The following AKNAD1 variants were observed in gnomAD, a reference collection of about 807,000 sequenced individuals.
AKNAD1 encodes the protein protein AKNAD1.
In AKNAD1, 67 loss-of-function variants were observed where a neutral mutation model predicts 90.8. The observed-to-expected ratio is 0.74, with a 90% CI of 0.61 to 0.90. The LOEUF (loss-of-function observed/expected upper bound fraction) is 0.90. Ranked by LOEUF, AKNAD1 falls within the 40% of genes least tolerant of loss-of-function variation. AKNAD1 has a pLI of 0.00. For missense variants in AKNAD1, 957 were observed against 975.4 expected (o/e 0.98, Z 0.25); for synonymous variants, 327 against 341.4 (o/e 0.96, Z 0.46).
rs1460482415 is a variant in AKNAD1 at position 108,816,971 on chromosome 1, A to C, written c.2379+77T>G. 1.9e-6 allele frequency: 3 copies of C among 1,548,138 alleles called. No individual in the cohort carries two copies. The African/African-American group carries it at 4.1e-5, about 21-fold the overall frequency. ...GAAGCTCTGATACTGTAATAACTTAAGAGCTGCCAGTTCTGTGGGCATCAA... is the reference window on the plus strand; with the variant it reads ...GAAGCTCTGATACTGTAATAACTTACGAGCTGCCAGTTCTGTGGGCATCAA... On this transcript the variant is annotated intron_variant, in intron 15 of 15. Coordinates refer to ENST00000370001, the MANE Select transcript of AKNAD1 (RefSeq NM_152763.5).
Position 108,834,487 on chromosome 1 carries a change from T to C in AKNAD1, c.1706A>G (p.Lys569Arg), listed in dbSNP as rs752608075. 3 of 1,611,134 alleles carry C rather than the reference T, an allele frequency of 1.9e-6. No individual in the cohort carries two copies. The highest frequency in any genetic ancestry group is 2.5e-6 in the Non-Finnish European group (3 of 1,178,970). ...CAGCCTCATGGCCACTTGGTCTGGC[T>C]TGTTCTGGGCAGCTGCATCTCCATA... The part of the protein sequence containing the change: ...GHYGDAAAQN[K>R]PDQVAMRLSS... Residue 569 changes from lysine (K) to arginine (R), a missense_variant, in exon 9 of 16, where the codon AAG (lysine) becomes AGG (arginine). Coordinates refer to ENST00000370001, the MANE Select transcript of AKNAD1 (RefSeq NM_152763.5).
chr1:108,839,471 T>TAAAAAA (rs3044857), intron 6 of AKNAD1, among the ~76,000 whole-genome samples: 2 of 126,148 alleles, frequency 1.6e-5, no homozygotes, highest in Non-Finnish European at 3.2e-5. Context: ...TCCGTCTCAA[T>TAAAAAA]AAAAAAAAAA....
intron 1 of AKNAD1, 133 bp from the exon 2 acceptor site, chr1:108,852,900 G>GATA: frequency 2.9e-6 from 1 of 344,960 alleles, no homozygotes; most frequent in Non-Finnish European, 5.1e-6. Context: ...TCAACCACAA[G>GATA]CTGACCCAAC....
At chr1:108,837,891 C>T (rs1331807488) in intron 6 of AKNAD1, among the ~76,000 whole-genome samples, 185 bp from the exon 7 acceptor site, 1 of 152,226 alleles carries the variant, frequency 6.6e-6, no homozygotes, top group East Asian at 1.9e-4. Context: ...TGATCTTCAC[C>T]TGCTGTCCAT....
chr1:108,825,684 A>T (rs1009586142), intron 11 of AKNAD1, among the ~76,000 whole-genome samples: 3 of 151,714 alleles, frequency 2.0e-5, no homozygotes, highest in African/African-American at 7.2e-5. Flanking sequence ...ACTAATGTAT[A>T]GATTACTAGT....
chr1:108,841,899 G>A (rs1178299190), intron 6 of AKNAD1, among the ~76,000 whole-genome samples: 8 of 152,128 alleles, frequency 5.3e-5, no homozygotes, highest in Non-Finnish European at 1.2e-4. Context: ...TGCAGTTGAA[G>A]CTCTTTTTAT....
intron 15 of AKNAD1, 136 bp downstream of exon 15, chr1:108,816,912 T>C: frequency 9.6e-7 from 1 of 1,038,124 alleles, no homozygotes; most frequent in East Asian, 2.5e-5. Flanking sequence ...AGCTTAGTTC[T>C]GAGCACAAAA....
At position 108,852,358 on chromosome 1, in the gene AKNAD1, C is replaced by A. The variant is rs367694753; in HGVS notation, c.307G>T (p.Asp103Tyr). 1.4e-4 allele frequency: 225 copies of A among 1,613,938 alleles called. No homozygotes were observed. Among genetic ancestry groups the A allele is most frequent in the Non-Finnish European group, 1.9e-4 (219 of 1,180,002 alleles). The change falls in exon 2 of 16, where the codon GAC becomes TAC. Residue 103 changes from aspartate (D) to tyrosine (Y), a missense_variant. Coordinates refer to ENST00000370001, the MANE Select transcript of AKNAD1 (RefSeq NM_152763.5). ...TCAGAAATGCTTGACTTAGAAGCGT[C>A]TCCTTCATTTGCTGGAATATGAAGA... is the stretch of plus-strand genomic sequence containing the variant. ...AALHIPANEG[D>Y]ASKSSISDIL...
intron 2 of AKNAD1, among the ~76,000 whole-genome samples, chr1:108,849,792 G>A (rs184907907): frequency 7.4e-4 from 112 of 152,276 alleles, no homozygotes; most frequent in African/African-American, 2.6e-3. Flanking sequence ...TTCTTTGGCA[G>A]GAAAATGGGG....
chr1:108,828,271 G>C (rs528015402), intron 10 of AKNAD1, among the ~76,000 whole-genome samples: 1 of 151,814 alleles, frequency 6.6e-6, no homozygotes, highest in African/African-American at 2.4e-5. Flanking sequence ...GCACGTGAAG[G>C]TGATTTTAGT....
At chr1:108,820,660 A>G in intron 13 of AKNAD1, 34 bp from the exon 14 acceptor site, 1 of 1,342,510 alleles carries the variant, frequency 7.4e-7, no homozygotes, top group Non-Finnish European at 1.1e-6. Context: ...AATTCAGAGT[A>G]TCAAAAATGA....
At chr1:108,839,327 T>C (rs1397405318) in intron 6 of AKNAD1, among the ~76,000 whole-genome samples, 1 of 151,966 alleles carries the variant, frequency 6.6e-6, no homozygotes, top group Non-Finnish European at 1.5e-5. Flanking sequence ...CTACTAAAAA[T>C]ACAGAAAACT....
At position 108,830,668 on chromosome 1, in the gene AKNAD1, C is replaced by T. The variant is rs1338027282; in HGVS notation, c.1747-18G>A. The T allele has an allele frequency of 6.2e-7, 1 of 1,613,356 alleles. No individual in the cohort carries two copies. Among genetic ancestry groups the T allele is most frequent in the Non-Finnish European group, 8.5e-7 (1 of 1,179,414 alleles). On this transcript the variant is annotated intron_variant, in intron 9 of 15. Transcript: ENST00000370001. ...GGATCCTCCTGCGCCACAAAGCACACAGATGGAGATGTGATAGAGGATGTG... is the reference window on the plus strand; with the variant it reads ...GGATCCTCCTGCGCCACAAAGCACATAGATGGAGATGTGATAGAGGATGTG...
chr1:108,852,355 C>T lies in AKNAD1; in HGVS notation c.310G>A (p.Ala104Thr), dbSNP rs201201576. Residue 104 changes from alanine (A) to threonine (T), a missense_variant, in exon 2 of 16, where the codon GCT becomes ACT. Coordinates refer to ENST00000370001, the MANE Select transcript of AKNAD1 (RefSeq NM_152763.5). ...ALHIPANEGD[A>T]SKSSISDILL... is the part of the protein sequence containing the mutation. ...ATATCAGAAATGCTTGACTTAGAAGCGTCTCCTTCATTTGCTGGAATATGA... is the reference window on the plus strand; with the variant it reads ...ATATCAGAAATGCTTGACTTAGAAGTGTCTCCTTCATTTGCTGGAATATGA... The T allele has an allele frequency of 2.0e-4, 322 of 1,614,050 alleles. 3 individuals carry two copies. Among genetic ancestry groups the T allele is most frequent in the South Asian group, 1.4e-3 (130 of 91,076 alleles).
chr1:108,823,485 G>A lies in AKNAD1; in HGVS notation c.2060-8C>T, dbSNP rs758604466. On this transcript the variant is annotated splice_polypyrimidine_tract_variant and splice_region_variant and intron_variant, in intron 12 of 15. Coordinates refer to ENST00000370001, the MANE Select transcript of AKNAD1 (RefSeq NM_152763.5). ...TGTATCTATAATGAAATTCTGGGAAGAAAAGATTAAAAATACAGTTAATTG... is the reference window on the plus strand; with the variant it reads ...TGTATCTATAATGAAATTCTGGGAAAAAAAGATTAAAAATACAGTTAATTG... 6.2e-7 allele frequency: 1 copy of A among 1,612,542 alleles called. No homozygotes were observed. The highest frequency in any genetic ancestry group is 1.3e-5 in the African/African-American group (1 of 74,878).
chr1:108,852,887 A>G (rs146386326), intron 1 of AKNAD1, 120 bp from the exon 2 acceptor site: 1 of 405,286 alleles, frequency 2.5e-6, no homozygotes, highest in African/African-American at 2.0e-5. Flanking sequence ...GAAGGCAGGA[A>G]GCTCAACCAC....
Position 108,851,946 on chromosome 1 carries a change from T to A in AKNAD1, c.719A>T (p.Lys240Ile). The change falls in exon 2 of 16, where the codon AAA (lysine) becomes ATA (isoleucine). Residue 240 changes from lysine to isoleucine, a missense_variant. Physicochemically the swap from Lys to Ile is moderately radical, Grantham distance 102. Coordinates refer to ENST00000370001, the MANE Select transcript of AKNAD1 (RefSeq NM_152763.5). ...GQSPQKQQTE[K>I]ANSGNTFKYG... ...TTTGAACGTGTTGCCTGAATTTGCT[T>A]TTTCAGTCTGCTGTTTCTGGGGTGA... 3 of 1,614,250 alleles carry A rather than the reference T, an allele frequency of 1.9e-6. No individual in the cohort carries two copies. The highest frequency in any genetic ancestry group is 2.5e-6 in the Non-Finnish European group (3 of 1,180,046).
At chr1:108,825,636 C>G (rs1465712702) in intron 11 of AKNAD1, among the ~76,000 whole-genome samples, 1 of 151,582 alleles carries the variant, frequency 6.6e-6, no homozygotes, top group Non-Finnish European at 1.5e-5. Context: ...AGCTAGCATT[C>G]AACATTCAGT....
Position 108,851,842 on chromosome 1 carries a change from T to A in AKNAD1, c.823A>T (p.Ile275Leu). 1 of 1,613,818 alleles carries A rather than the reference T, an allele frequency of 6.2e-7. No individual in the cohort carries two copies. The highest frequency in any genetic ancestry group is 8.5e-7 in the Non-Finnish European group (1 of 1,179,920). The stretch of plus-strand genomic sequence containing the variant: ...GCTATTGCAAGTGGTTTATTAATTA[T>A]CTTATTTTTAGGAATTTTCACTTTG... ...APKVKIPKNK[I>L]INKPLAIAKQ... is the part of the protein sequence containing the mutation. Residue 275 changes from isoleucine to leucine, a missense_variant, in exon 2 of 16, where the codon ATA becomes TTA. Coordinates refer to ENST00000370001, the MANE Select transcript of AKNAD1 (RefSeq NM_152763.5).
Sources: gnomAD v4.1 joint callset for allele counts (sites outside exome capture counted in the v4.1 genomes callset) on GRCh38, gnomAD v4.1.1 for gene constraint, MANE v1.5 for transcripts, NCBI Gene and HGNC (gene_info 2026-07-23, HGNC 2026-07-21) for gene names.